The following GRIN2B variants were observed in gnomAD, a reference collection of about 807,000 sequenced individuals.
GRIN2B encodes the protein glutamate receptor ionotropic, NMDA 2B.
A neutral mutation model predicts 114.5 loss-of-function variants in GRIN2B; 5 were observed. The ratio of observed to expected loss-of-function variants is 0.04; its 90% CI spans 0.02 to 0.09. GRIN2B has a LOEUF of 0.09. GRIN2B is among the 10% of genes least tolerant of loss of function. The pLI is 1.00. For synonymous variants in GRIN2B, 787 were observed against 745.1 expected (o/e 1.06, Z -0.92); for missense variants, 1,108 against 1,943.5 (o/e 0.57, Z 8.08).
chr12:13,689,394 T>C (rs1950196845), intron 4 of GRIN2B, among the ~76,000 whole-genome samples: 1 of 152,198 alleles, frequency 6.6e-6, no homozygotes. Flanking sequence ...CTTATTCCTT[T>C]AGTCTTGAAA....
At chr12:13,896,495 G>A (rs1329038668) in intron 2 of GRIN2B, among the ~76,000 whole-genome samples, 1 of 152,154 alleles carries the variant, frequency 6.6e-6, no homozygotes, top group Non-Finnish European at 1.5e-5. Flanking sequence ...CGATTAAAGG[G>A]AACGATCATT....
chr12:13,631,483 G>C (rs1949615255), intron 5 of GRIN2B, among the ~76,000 whole-genome samples: 1 of 152,080 alleles, frequency 6.6e-6, no homozygotes, highest in Admixed American at 6.6e-5. Flanking sequence ...CCTGGACAAA[G>C]GCAAGGAAGT....
chr12:13,905,063 G>A (rs898187217), intron 2 of GRIN2B, among the ~76,000 whole-genome samples: 4 of 152,038 alleles, frequency 2.6e-5, no homozygotes, highest in African/African-American at 9.7e-5. Flanking sequence ...GAGATATTTT[G>A]AGGCCATGTT....
intron 10 of GRIN2B, among the ~76,000 whole-genome samples, chr12:13,577,649 A>G (rs1180860689): frequency 1.3e-5 from 2 of 152,274 alleles, no homozygotes; most frequent in Admixed American, 1.3e-4. Context: ...TAAGTCATTA[A>G]TAATTGCCAC....
chr12:13,802,585 G>C (rs929290399), intron 3 of GRIN2B, among the ~76,000 whole-genome samples: 1 of 152,038 alleles, frequency 6.6e-6, no homozygotes, highest in African/African-American at 2.4e-5. Context: ...ATAGAGAATT[G>C]GTTAAATTGC....
intron 10 of GRIN2B, among the ~76,000 whole-genome samples, chr12:13,579,812 C>G (rs1202745627): frequency 2.0e-5 from 3 of 152,204 alleles, no homozygotes; most frequent in Non-Finnish European, 4.4e-5. Context: ...CCCTACACTA[C>G]TAGCTAACAT....
In GRIN2B at chr12:13,557,208, A is replaced by T. The variant is rs187034230; in HGVS notation, c.*5575T>A. 6.6e-6 allele frequency: 1 copy of T among 152,290 alleles called. No individual in the cohort carries two copies. Among genetic ancestry groups the T allele is most frequent in the Non-Finnish European group, 1.5e-5 (1 of 68,030 alleles). 9.4% of individuals were successfully genotyped at this position (152,290 alleles called of 1,614,324 possible). ...AACCCCACCCCCCAAACTAGAATAG[A>T]ATCCTAGATTCAGATCAATATTAGA... On this transcript the variant is annotated 3_prime_UTR_variant, in exon 14 of 14. Transcript: ENST00000609686.
At position 13,841,374 on chromosome 12, in the gene GRIN2B, T is replaced by C. The variant is rs115702403; in HGVS notation, c.411+24424A>G. Among the ~76,000 whole-genome samples, 239 of 151,592 alleles carry C rather than the reference T, an allele frequency of 1.6e-3. 4 individuals are homozygous for C. In the South Asian group the frequency reaches 0.028, roughly 18 times the overall value. On this transcript the variant is annotated intron_variant, in intron 3 of 13. Coordinates refer to ENST00000609686, the MANE Select transcript of GRIN2B (RefSeq NM_000834.5). Reference sequence around the variant, plus strand: ...GTGTAGATTCTATTTTCTCAGATTATTGATGAATATGTCACACGGGACAGA... The same window carrying C: ...GTGTAGATTCTATTTTCTCAGATTACTGATGAATATGTCACACGGGACAGA...
intron 5 of GRIN2B, among the ~76,000 whole-genome samples, chr12:13,628,065 A>G (rs556570413): frequency 6.6e-6 from 1 of 152,306 alleles, no homozygotes; most frequent in East Asian, 1.9e-4. Flanking sequence ...CTATGCCACA[A>G]ATATTAATAT....
chr12:13,808,591 T>G (rs1361283973), intron 3 of GRIN2B, among the ~76,000 whole-genome samples: 1 of 150,826 alleles, frequency 6.6e-6, no homozygotes. Context: ...CCAGGGCCTG[T>G]TGTGGGGTGG....
At chr12:13,670,093 C>T (rs2136535432) in intron 5 of GRIN2B, among the ~76,000 whole-genome samples, 1 of 152,190 alleles carries the variant, frequency 6.6e-6, no homozygotes, top group Admixed American at 6.5e-5. Flanking sequence ...TTGATCCATC[C>T]ATTAATTCCT....
intron 3 of GRIN2B, among the ~76,000 whole-genome samples, chr12:13,855,516 G>A (rs80322413): frequency 0.013 from 1,929 of 152,220 alleles, 41 homozygotes; most frequent in African/African-American, 0.045. Flanking sequence ...TAAAATCAAG[G>A]TGTCGGGAGT....
At chr12:13,660,057 G>A (rs1949905824) in intron 5 of GRIN2B, among the ~76,000 whole-genome samples, 1 of 152,154 alleles carries the variant, frequency 6.6e-6, no homozygotes, top group African/African-American at 2.4e-5. Flanking sequence ...CTTGGGCAGG[G>A]TTGCTCACAG....
chr12:13,888,682 C>T (rs894106494), intron 2 of GRIN2B, among the ~76,000 whole-genome samples: 5 of 150,740 alleles, frequency 3.3e-5, no homozygotes, highest in African/African-American at 9.8e-5. Context: ...TGTAGAGAGC[C>T]GAGATCGCAC....
intron 4 of GRIN2B, among the ~76,000 whole-genome samples, chr12:13,688,930 G>A (rs1178633411): frequency 6.6e-6 from 1 of 152,164 alleles, no homozygotes; most frequent in Non-Finnish European, 1.5e-5. Flanking sequence ...TCACACCGTA[G>A]AATAGCTCCT....
intron 5 of GRIN2B, among the ~76,000 whole-genome samples, chr12:13,644,064 T>C (rs995044244): frequency 6.6e-6 from 1 of 152,178 alleles, no homozygotes; most frequent in African/African-American, 2.4e-5. Flanking sequence ...CTTAATGACA[T>C]CTAAAAGGGC....
At chr12:13,825,494 TTTTGTGTGTG>T (rs1865017507) in intron 3 of GRIN2B, among the ~76,000 whole-genome samples, 1 of 44,830 alleles carries the variant, frequency 2.2e-5, no homozygotes, top group South Asian at 6.9e-4. Flanking sequence ...TATATATATA[TTTTGTGTGTG>T]TGTGTGTGTG....
At chr12:13,808,479 G>A (rs796765941) in intron 3 of GRIN2B, among the ~76,000 whole-genome samples, 6 of 151,942 alleles carry the variant, frequency 3.9e-5, no homozygotes, top group African/African-American at 1.4e-4. Flanking sequence ...GAGAATGATG[G>A]TTTCCAGCTT....
intron 12 of GRIN2B, among the ~76,000 whole-genome samples, chr12:13,568,355 A>G (rs186004630): frequency 1.3e-5 from 2 of 152,326 alleles, no homozygotes; most frequent in East Asian, 3.9e-4. Flanking sequence ...TGGCTAAAAA[A>G]TTGAACTTTG....
Sources: gnomAD v4.1 joint callset for allele counts (sites outside exome capture counted in the v4.1 genomes callset) on GRCh38, gnomAD v4.1.1 for gene constraint, MANE v1.5 for transcripts, NCBI Gene and HGNC (gene_info 2026-07-23, HGNC 2026-07-21) for gene names.